Variants in UPF3A observed in about 807,000 individuals in gnomAD.
UPF3A encodes the protein regulator of nonsense transcripts 3A.
UPF3A carries 42 observed loss-of-function variants against 53.5 expected under a neutral mutation model. The observed-to-expected ratio is 0.78, with a 90% confidence interval of 0.61 to 1.01. The LOEUF (loss-of-function observed/expected upper bound fraction) is 1.01. UPF3A is among the 50% of genes least tolerant of loss of function. UPF3A has a pLI of 0.00. For missense variants in UPF3A, 575 were observed against 598.0 expected (o/e 0.96, Z 0.40); for synonymous variants, 237 against 225.3 (o/e 1.05, Z -0.47).
rs1021232780 is a variant in UPF3A at position 114,305,081 on chromosome 13, T to G, written c.*164T>G. On this transcript the variant is annotated 3_prime_UTR_variant, in exon 10 of 10. Transcript: ENST00000375299. Reference sequence around the variant, plus strand: ...CACGCAGAAACCATTCTAAAGAAAGTAGTGATCTTGTATTAAATTGAGCAG... The same window carrying G: ...CACGCAGAAACCATTCTAAAGAAAGGAGTGATCTTGTATTAAATTGAGCAG... 12 of 818,138 alleles carry G rather than the reference T, an allele frequency of 1.5e-5. No homozygotes were observed. The African/African-American group carries it at 2.1e-4, about 14-fold the overall frequency. 50.7% of individuals were successfully genotyped at this position (818,138 alleles called of 1,614,324 possible).
chr13:114,284,412 C>T (rs988468084), intron 3 of UPF3A, among the ~76,000 whole-genome samples: 4 of 150,540 alleles, frequency 2.7e-5, no homozygotes, highest in African/African-American at 9.8e-5. Context: ...ATATGTGTAA[C>T]ATGGCCAGGT....
chr13:114,299,120 G>A (rs1002972951), intron 8 of UPF3A, 120 bp downstream of exon 8: 42 of 1,049,400 alleles, frequency 4.0e-5, no homozygotes, highest in Non-Finnish European at 4.7e-5. Flanking sequence ...CAGGGTGTGC[G>A]AGTACACGTT....
rs769324458 is a variant in UPF3A, at chr13:114,302,005, A to G, written c.1282A>G (p.Lys428Glu). 3 of 1,530,428 alleles carry G rather than the reference A, an allele frequency of 2.0e-6. No homozygotes were observed. The highest frequency in any genetic ancestry group is 2.8e-5 in the African/African-American group (2 of 71,680). The allele number at this position is 1,530,428 out of a possible 1,614,324, so 94.8% of individuals were successfully genotyped here. A position where few individuals can be genotyped will look rare whatever the true frequency, so the allele number is the denominator to read the frequency against. Residue 428 changes from lysine to glutamate, a missense_variant, in exon 9 of 10, where the codon AAA (lysine) becomes GAA (glutamate). Coordinates refer to ENST00000375299, the MANE Select transcript of UPF3A (RefSeq NM_023011.4). ...QRCDDSPAPRKERLANKDRPA... is the reference protein window; with the variant it reads ...QRCDDSPAPREERLANKDRPA... ...GTGTGACGACAGTCCAGCACCCAGA[A>G]AAGAGCGACTGGCAAACAAGGTTTT...
At chr13:114,288,142 G>C (rs1348431097) in intron 5 of UPF3A, among the ~76,000 whole-genome samples, 1 of 152,194 alleles carries the variant, frequency 6.6e-6, no homozygotes, top group Admixed American at 6.5e-5. Flanking sequence ...AACAAAATAT[G>C]CTGAGGCTGC....
At chr13:114,283,934 A>T (rs1001253679) in intron 3 of UPF3A, 47 of 985,286 alleles carry the variant, frequency 4.8e-5, no homozygotes, top group Non-Finnish European at 5.3e-5. Context: ...AGGGGTAAGG[A>T]CTAGAAAGAT....
At chr13:114,296,337 G>A (rs143265707) in intron 7 of UPF3A, among the ~76,000 whole-genome samples, 57 of 152,212 alleles carry the variant, frequency 3.7e-4, no homozygotes, top group Non-Finnish European at 7.1e-4. Flanking sequence ...AGCCGAGATC[G>A]CGTCACTGCA....
At chr13:114,302,423 T>C (rs1462930973) in intron 9 of UPF3A, among the ~76,000 whole-genome samples, 1 of 152,208 alleles carries the variant, frequency 6.6e-6, no homozygotes, top group Non-Finnish European at 1.5e-5. Context: ...AAGTTAGATC[T>C]GCACGGACGG....
chr13:114,281,796 G>T lies in UPF3A; in HGVS notation c.157G>T (p.Gly53Trp), dbSNP rs200526577. The change falls in exon 1 of 10, where the codon GGG becomes TGG. Residue 53 changes from glycine (G) to tryptophan (W), a missense_variant. This residue lies in a region of UPF3A where 252 missense variants were observed against 182.7 expected (regional missense o/e 1.38). Coordinates refer to ENST00000375299, the MANE Select transcript of UPF3A (RefSeq NM_023011.4). ...ETPPTSSSGCGGGAGKPREEK... is the reference protein window; with the variant it reads ...ETPPTSSSGCWGGAGKPREEK... ...GCCGCCAACTTCGTCCTCCGGTTGC[G>T]GGGGCGGTGCGGGCAAACCTCGCGA... 268 of 1,554,604 alleles carry T rather than the reference G, an allele frequency of 1.7e-4. 1 individual carries two copies. In the African/African-American group the frequency reaches 3.3e-3, roughly 19 times the overall value.
chr13:114,296,680 G>A (rs998047237), intron 7 of UPF3A, among the ~76,000 whole-genome samples: 1 of 152,160 alleles, frequency 6.6e-6, no homozygotes, highest in Non-Finnish European at 1.5e-5. Context: ...CTGGGACTTG[G>A]AACTGTCGTC....
chr13:114,293,413 A>G (rs1399694757), intron 7 of UPF3A, among the ~76,000 whole-genome samples: 1 of 152,188 alleles, frequency 6.6e-6, no homozygotes, highest in East Asian at 1.9e-4. Flanking sequence ...TGATTAAAAA[A>G]TACACATTTG....
chr13:114,282,310 AAC>A lies in UPF3A; in HGVS notation c.314+187_314+188del, dbSNP rs759094146. ...CAAAGAAAAATACCACCAACAAAGA[AAC>A]ACAGATGTGGTTTACATGAAAAATG... On this transcript the variant is annotated intron_variant, in intron 2 of 9. Coordinates refer to ENST00000375299, the MANE Select transcript of UPF3A (RefSeq NM_023011.4). 54 of 844,888 alleles carry A rather than the reference AAC, an allele frequency of 6.4e-5. 1 individual carries two copies. Among genetic ancestry groups the A allele is most frequent in the Admixed American group, 3.3e-4 (10 of 30,092 alleles). The allele number at this position is 844,888 out of a possible 1,614,324, so 52.3% of individuals were successfully genotyped here.
At chr13:114,302,419 G>A (rs1380575630) in intron 9 of UPF3A, among the ~76,000 whole-genome samples, 1 of 152,132 alleles carries the variant, frequency 6.6e-6, no homozygotes, top group Admixed American at 6.5e-5. Context: ...CTGTAAGTTA[G>A]ATCTGCACGG....
chr13:114,298,806 A>G (rs2086309489), intron 7 of UPF3A, 34 bp from the exon 8 acceptor site: 1 of 1,490,828 alleles, frequency 6.7e-7, no homozygotes, highest in Non-Finnish European at 8.9e-7. Context: ...ATATGCTCTC[A>G]AGGTGATACT....
intron 3 of UPF3A, among the ~76,000 whole-genome samples, chr13:114,284,876 C>T (rs2084516738): frequency 6.6e-6 from 1 of 152,126 alleles, no homozygotes; most frequent in Non-Finnish European, 1.5e-5. Flanking sequence ...TGGTGTCAAA[C>T]TCCTGAGCTC....
At position 114,289,841 on chromosome 13, in the gene UPF3A, G is replaced by A. The variant is rs118077806; in HGVS notation, c.632-1648G>A. On this transcript the variant is annotated intron_variant, in intron 5 of 9. Coordinates refer to ENST00000375299, the MANE Select transcript of UPF3A (RefSeq NM_023011.4). ...GATGTGTAGAACACTTTCTTATTCAGGGTCTAACGTACTTTGCCCGTGATC... is the reference window on the plus strand; with the variant it reads ...GATGTGTAGAACACTTTCTTATTCAAGGTCTAACGTACTTTGCCCGTGATC... Among the ~76,000 whole-genome samples, 581 of 152,180 alleles carry A rather than the reference G, an allele frequency of 3.8e-3. 2 individuals carry two copies. The highest frequency in any genetic ancestry group is 8.9e-3 in the African/African-American group (370 of 41,498).
In UPF3A at chr13:114,298,969, A is replaced by G. The variant is rs3993409; in HGVS notation, c.976A>G (p.Met326Val). The G allele has an allele frequency of 5.9e-3, 9,429 of 1,606,786 alleles. 476 individuals carry two copies. The African/African-American group carries it at 0.11, about 19-fold the overall frequency. The change falls in exon 8 of 10, where the codon ATG becomes GTG. Residue 326 changes from methionine (M) to valine (V), a missense_variant. Transcript: ENST00000375299. ...APGAVVKARPMEGSLEEPQET... is the reference protein window; with the variant it reads ...APGAVVKARPVEGSLEEPQET... ...CGGTGCAGTCGTAAAAGCCAGGCCC[A>G]TGGAAGGCTCGCTGGAGGAGCCCCA... is the stretch of plus-strand genomic sequence containing the variant.
At chr13:114,294,909 G>A (rs1461457550) in intron 7 of UPF3A, among the ~76,000 whole-genome samples, 2 of 150,886 alleles carry the variant, frequency 1.3e-5, no homozygotes, top group African/African-American at 4.9e-5. Context: ...TCAGGAGATC[G>A]AGACCATCCT....
intron 8 of UPF3A, among the ~76,000 whole-genome samples, chr13:114,301,238 T>G (rs111254300): frequency 0.11 from 16,222 of 151,966 alleles, 1,014 homozygotes; most frequent in African/African-American, 0.16. Context: ...AAGATGGGCA[T>G]ATCATAAGGT....
rs2084026365 is a variant in UPF3A, at chr13:114,281,752, A to T, written c.113A>T (p.Gln38Leu). 3 of 1,557,606 alleles carry T rather than the reference A, an allele frequency of 1.9e-6. No individual in the cohort carries two copies. Among genetic ancestry groups the T allele is most frequent in the Non-Finnish European group, 2.6e-6 (3 of 1,151,658 alleles). ...ALEVQFHRDS[Q>L]QQEAETPPTS... ...GAAGTGCAGTTCCACCGCGACTCGC[A>T]GCAGCAGGAGGCTGAGACGCCGCCA... The change falls in exon 1 of 10, where the codon CAG becomes CTG. Residue 38 changes from glutamine (Q) to leucine (L), a missense_variant. Physicochemically the swap from Gln to Leu is moderately radical, Grantham distance 113. Coordinates refer to ENST00000375299, the MANE Select transcript of UPF3A (RefSeq NM_023011.4).
Sources: gnomAD v4.1 joint callset for allele counts (sites outside exome capture counted in the v4.1 genomes callset) on GRCh38, gnomAD v4.1.1 for gene constraint, gnomAD v4.1.1 regional missense constraint, MANE v1.5 for transcripts, NCBI Gene and HGNC (gene_info 2026-07-23, HGNC 2026-07-21) for gene names.